The following TTLL11 variants were observed in gnomAD, a reference collection of about 807,000 sequenced individuals.
TTLL11 encodes the protein tubulin polyglutamylase TTLL11.
Under a neutral mutation model 51.7 loss-of-function variants are expected in TTLL11, and 42 were observed. That is an observed-to-expected ratio of 0.81 (90% CI 0.64 to 1.05). TTLL11 has a LOEUF of 1.05. Ranked by LOEUF, TTLL11 falls within the 50% of genes least tolerant of loss-of-function variation. The pLI, the probability that TTLL11 is intolerant of heterozygous loss-of-function variation, is 0.00. For missense variants in TTLL11, 799 were observed against 940.4 expected, an observed-to-expected ratio of 0.85 and a Z score of 1.97; for synonymous variants, 381 against 383.5, an observed-to-expected ratio of 0.99 and a Z score of 0.08.
intron 6 of TTLL11, among the ~76,000 whole-genome samples, chr9:121,967,724 A>G (rs1842443813): frequency 6.6e-6 from 1 of 152,240 alleles, no homozygotes; most frequent in Non-Finnish European, 1.5e-5. Context: ...TCTGGTTGAA[A>G]AAGAGACGGC....
intron 6 of TTLL11, among the ~76,000 whole-genome samples, chr9:121,918,416 C>T (rs1345060614): frequency 6.6e-6 from 1 of 152,256 alleles, no homozygotes; most frequent in South Asian, 2.1e-4. Context: ...GCCTGATGTA[C>T]CCCCAGACTC....
intron 6 of TTLL11, among the ~76,000 whole-genome samples, chr9:121,921,558 G>A (rs907509812): frequency 2.6e-5 from 4 of 152,184 alleles, no homozygotes; most frequent in Admixed American, 6.5e-5. Context: ...CAGCTGTTGT[G>A]TAAATTAAAC....
intron 6 of TTLL11, among the ~76,000 whole-genome samples, chr9:121,911,361 C>G (rs1039213722): frequency 2.0e-5 from 3 of 152,158 alleles, no homozygotes; most frequent in African/African-American, 7.2e-5. Flanking sequence ...TGTGCCACTG[C>G]ACTCCAGCCT....
At chr9:121,896,164 G>A (rs1486836583) in intron 6 of TTLL11, among the ~76,000 whole-genome samples, 1 of 152,098 alleles carries the variant, frequency 6.6e-6, no homozygotes, top group Non-Finnish European at 1.5e-5. Context: ...AACTGAGTAA[G>A]CAGGAGCCGT....
intron 6 of TTLL11, among the ~76,000 whole-genome samples, chr9:121,918,958 G>A (rs570210398): frequency 5.9e-5 from 9 of 152,374 alleles, no homozygotes; most frequent in African/African-American, 1.2e-4. Flanking sequence ...ATGGTTACCC[G>A]TGGGGCTAGT....
chr9:121,980,723 T>C (rs990748456), intron 4 of TTLL11, among the ~76,000 whole-genome samples: 1 of 152,250 alleles, frequency 6.6e-6, no homozygotes, highest in Non-Finnish European at 1.5e-5. Flanking sequence ...ATGTTTATTG[T>C]GGCACTATTC....
rs139112986 is a variant in TTLL11, at chr9:121,822,281, T to C, written c.*306A>G. On this transcript the variant is annotated 3_prime_UTR_variant, in exon 9 of 9. Transcript: ENST00000321582. This position sits in a 1 kb window ranked among gnomAD's most constrained non-coding sequence, Gnocchi z 5.8. ...TCCTGTGCCCCAAATACAACAGATT[T>C]GCCCCAGTTGGTGCTTCCTGTGAGC... The C allele has an allele frequency of 0.017, 3,459 of 205,004 alleles. 62 individuals carry two copies. Among genetic ancestry groups the C allele is most frequent in the African/African-American group, 0.049 (2,115 of 43,476 alleles). The allele number at this position is 205,004 out of a possible 1,614,324, so 12.7% of individuals were successfully genotyped here.
chr9:121,945,524 G>A (rs1189602913), intron 6 of TTLL11, among the ~76,000 whole-genome samples: 1 of 152,164 alleles, frequency 6.6e-6, no homozygotes, highest in East Asian at 1.9e-4. Context: ...GTGTCCACGA[G>A]GTCCTCCTCT....
intron 4 of TTLL11, among the ~76,000 whole-genome samples, chr9:121,986,121 G>A (rs1186152412): frequency 6.6e-6 from 1 of 152,176 alleles, no homozygotes; most frequent in Non-Finnish European, 1.5e-5. Context: ...GTCAAGCAGT[G>A]GGAAACAGTC....
At chr9:121,851,861 G>A (rs192251725) in intron 8 of TTLL11, among the ~76,000 whole-genome samples, 3 of 152,256 alleles carry the variant, frequency 2.0e-5, no homozygotes, top group East Asian at 1.9e-4. Context: ...TCACAGCCCC[G>A]AGAGCTCCCT....
intron 6 of TTLL11, among the ~76,000 whole-genome samples, chr9:121,916,136 A>T (rs1052738383): frequency 6.6e-6 from 1 of 152,114 alleles, no homozygotes; most frequent in African/African-American, 2.4e-5. Context: ...AAATGCCCCA[A>T]ACTGGTATAG....
chr9:122,051,341 G>A (rs1845150449), intron 1 of TTLL11, among the ~76,000 whole-genome samples: 1 of 152,182 alleles, frequency 6.6e-6, no homozygotes, highest in African/African-American at 2.4e-5. Context: ...AGCACATACA[G>A]CAGAGAGTTG....
At chr9:121,917,486 A>AAAAGG (rs1308591830) in intron 6 of TTLL11, among the ~76,000 whole-genome samples, 7 of 151,126 alleles carry the variant, frequency 4.6e-5, no homozygotes, top group African/African-American at 1.7e-4. Context: ...GAAAGAAAAG[A>AAAAGG]AAAGGAAAGA....
At chr9:122,030,201 T>C (rs62574017) in intron 3 of TTLL11, among the ~76,000 whole-genome samples, 851 of 72,268 alleles carry the variant, frequency 0.012, 19 homozygotes, top group African/African-American at 0.043. Flanking sequence ...AAGAGAGACA[T>C]TGGGGGGGGG....
At chr9:122,083,961 A>G (rs1165427445) in intron 1 of TTLL11, among the ~76,000 whole-genome samples, 4 of 152,214 alleles carry the variant, frequency 2.6e-5, no homozygotes. Context: ...GGAACAGTGT[A>G]AATTTTTATA....
rs750977305 is a variant in TTLL11, at chr9:122,093,230, G to T, written c.-82C>A. The T allele has an allele frequency of 1.1e-5, 17 of 1,486,196 alleles. No individual in the cohort carries two copies. The highest frequency in any genetic ancestry group is 1.4e-5 in the Non-Finnish European group (16 of 1,129,448). The allele number at this position is 1,486,196 out of a possible 1,614,324, so 92.1% of individuals were successfully genotyped here. On this transcript the variant is annotated 5_prime_UTR_variant, in exon 1 of 9. Transcript: ENST00000321582. The stretch of plus-strand genomic sequence containing the variant: ...CGCCCCAGTCCGCCACCAAACTGCC[G>T]CCGCTGCAGCCGCTGCCACGCGTTC...
intron 1 of TTLL11, among the ~76,000 whole-genome samples, chr9:122,049,963 G>A (rs1845114078): frequency 6.6e-6 from 1 of 152,076 alleles, no homozygotes; most frequent in East Asian, 1.9e-4. Context: ...GGTCCAAATG[G>A]CTGCTCTAAG....
At chr9:121,848,546 T>C (rs1385302086) in intron 8 of TTLL11, among the ~76,000 whole-genome samples, 4 of 152,212 alleles carry the variant, frequency 2.6e-5, no homozygotes, top group African/African-American at 4.8e-5. Flanking sequence ...ATGACTATAG[T>C]ATGTTTGAAG....
intron 6 of TTLL11, among the ~76,000 whole-genome samples, chr9:121,946,479 G>T (rs1231470067): frequency 6.6e-6 from 1 of 152,236 alleles, no homozygotes; most frequent in Admixed American, 6.5e-5. Context: ...AGAGGCAGGG[G>T]CTTTGACCAC....
Sources: allele counts gnomAD v4.1 joint callset (sites outside exome capture counted in the v4.1 genomes callset), GRCh38; gene constraint gnomAD v4.1.1; non-coding constraint Gnocchi (gnomAD v3.1); transcripts MANE v1.5; gene names NCBI Gene and HGNC (gene_info 2026-07-23, HGNC 2026-07-21).